The following TACC2 variants were observed in gnomAD, a reference collection of about 807,000 sequenced individuals.
TACC2 encodes the protein transforming acidic coiled-coil containing protein 2.
Under a neutral mutation model 227.3 loss-of-function variants are expected in TACC2, and 137 were observed. That is an observed-to-expected ratio of 0.60 (90% CI 0.52 to 0.69). The LOEUF is 0.69. TACC2 is among the 30% of genes least tolerant of loss of function. The pLI, the probability that TACC2 is intolerant of heterozygous loss-of-function variation, is 0.00. For synonymous variants in TACC2, 1,523 were observed against 1,487.5 expected (o/e 1.02, Z -0.55); for missense variants, 3,470 against 3,694.4 (o/e 0.94, Z 1.57).
intron 7 of TACC2, among the ~76,000 whole-genome samples, chr10:122,186,041 G>T (rs923119614): frequency 6.6e-6 from 1 of 151,976 alleles, no homozygotes. Context: ...CTATTCTCCC[G>T]CCTCAGCCTC....
chr10:122,043,495 CTTTCT>C (rs1359345093), intron 2 of TACC2, among the ~76,000 whole-genome samples: 16 of 149,188 alleles, frequency 1.1e-4, no homozygotes, highest in African/African-American at 3.2e-4. Flanking sequence ...CTTTTTCTTT[CTTTCT>C]TTTTCTCTTT....
intron 3 of TACC2, among the ~76,000 whole-genome samples, chr10:122,068,324 T>A (rs2077611316): frequency 6.6e-6 from 1 of 152,218 alleles, no homozygotes; most frequent in Non-Finnish European, 1.5e-5. Context: ...AGACAAATTA[T>A]GTTATTTTTT....
At chr10:122,154,236 T>A (rs2092310204) in intron 7 of TACC2, among the ~76,000 whole-genome samples, 1 of 152,232 alleles carries the variant, frequency 6.6e-6, no homozygotes, top group South Asian at 2.1e-4. Context: ...CCAGGCTCCC[T>A]CTTGGAGCCA....
chr10:122,184,634 T>C (rs1342109250), intron 7 of TACC2, among the ~76,000 whole-genome samples: 1 of 152,186 alleles, frequency 6.6e-6, no homozygotes, highest in Non-Finnish European at 1.5e-5. Flanking sequence ...TTAAATATCT[T>C]TTTCTGACTT....
chr10:122,099,761 T>C lies in TACC2; in HGVS notation c.5573+11170T>C, dbSNP rs559485064. On this transcript the variant is annotated intron_variant, in intron 5 of 22. Transcript: ENST00000369005. ...GTTTCTTTACAAGTGGGCTATAAAT[T>C]TGTGGGAGATAAAACGACTTAATGA... Among the ~76,000 whole-genome samples, 3 of 152,312 alleles carry C rather than the reference T, an allele frequency of 2.0e-5. No homozygotes were observed. The East Asian group carries it at 5.8e-4, about 29-fold the overall frequency.
chr10:122,129,544 G>T (rs2087625953), intron 5 of TACC2, among the ~76,000 whole-genome samples: 1 of 152,164 alleles, frequency 6.6e-6, no homozygotes, highest in African/African-American at 2.4e-5. Context: ...GAAGAACCAT[G>T]GCTGTGTCAA....
At chr10:122,136,948 C>T (rs1177688202) in intron 6 of TACC2, among the ~76,000 whole-genome samples, 1 of 152,170 alleles carries the variant, frequency 6.6e-6, no homozygotes, top group East Asian at 1.9e-4. Context: ...GCAAGCCTCA[C>T]TCCTCCTTCC....
Position 122,143,688 on chromosome 10 carries a change from C to G in TACC2, c.5816C>G (p.Pro1939Arg), listed in dbSNP as rs140845862. The change falls in exon 7 of 23, where the codon CCG becomes CGG. Residue 1939 changes from proline (P) to arginine (R), a missense_variant. Physicochemically the swap from Pro to Arg is moderately radical, Grantham distance 103 (BLOSUM62 -2). Around this residue, in one of 10 missense-constraint regions of TACC2, gnomAD observed 1,924 missense variants for 1,978.3 expected, o/e 0.97. Transcript: ENST00000369005. Reference protein sequence around the residue: ...VEASTPSCPDPAKDLSRSSDS... With the variant: ...VEASTPSCPDRAKDLSRSSDS... ...GCTTCCACTCCCTCCTGCCCAGATCCGGCCAAGGACCTCAGCAGGTATTGC... is the reference window on the plus strand; with the variant it reads ...GCTTCCACTCCCTCCTGCCCAGATCGGGCCAAGGACCTCAGCAGGTATTGC... The G allele has an allele frequency of 1.2e-6, 2 of 1,613,962 alleles. No homozygotes were observed. The highest frequency in any genetic ancestry group is 2.7e-5 in the African/African-American group (2 of 74,916).
intron 4 of TACC2, 63 bp downstream of exon 4, chr10:122,088,022 G>T: frequency 6.9e-7 from 1 of 1,449,964 alleles, no homozygotes; most frequent in Non-Finnish European, 9.1e-7. Context: ...TTCCCAGCCT[G>T]ATTTTTAGAA....
At position 122,136,191 on chromosome 10, in the gene TACC2, C is replaced by A. The variant is rs553732892; in HGVS notation, c.5699+3457C>A. ...TCTAGAGGCAATAATTCAGTGTCTC[C>A]TAATTCAGGGTTCATGGCGACTTGG... On this transcript the variant is annotated intron_variant, in intron 6 of 22. Coordinates refer to ENST00000369005, the MANE Select transcript of TACC2 (RefSeq NM_206862.4). Among the ~76,000 whole-genome samples, 348 of 152,288 alleles carry A rather than the reference C, an allele frequency of 2.3e-3. 2 individuals are homozygous for A. The highest frequency in any genetic ancestry group is 9.3e-3 in the East Asian group (48 of 5,184).
At chr10:122,245,698 G>A (rs574964807) in intron 19 of TACC2, among the ~76,000 whole-genome samples, 4 of 152,204 alleles carry the variant, frequency 2.6e-5, no homozygotes, top group Admixed American at 2.6e-4. Flanking sequence ...CTGATTCCAG[G>A]GGTCACAGAG....
intron 8 of TACC2, among the ~76,000 whole-genome samples, chr10:122,206,940 AC>A (rs1421901722): frequency 8.5e-5 from 13 of 152,204 alleles, no homozygotes; most frequent in Non-Finnish European, 1.5e-4. Context: ...AATGAATCAC[AC>A]AGTTGATTGT....
chr10:122,128,805 G>A (rs1361511445), intron 5 of TACC2, among the ~76,000 whole-genome samples: 1 of 152,138 alleles, frequency 6.6e-6, no homozygotes, highest in African/African-American at 2.4e-5. Flanking sequence ...ACCACCGAAA[G>A]AGAATTACCG....
At chr10:122,079,516 C>T (rs1426167920) in intron 3 of TACC2, among the ~76,000 whole-genome samples, 1 of 152,202 alleles carries the variant, frequency 6.6e-6, no homozygotes, top group Admixed American at 6.5e-5. Context: ...CTTTTGGGTC[C>T]TCAGGCACCA....
rs767192455 is a variant in TACC2 at position 122,084,204 on chromosome 10, A to C, written c.1704A>C (p.Gly568=). 1.2e-6 allele frequency: 2 copies of C among 1,614,104 alleles called. No individual in the cohort carries two copies. Among genetic ancestry groups the C allele is most frequent in the East Asian group, 4.5e-5 (2 of 44,880 alleles). Residue 568 remains glycine (G), a synonymous_variant, in exon 4 of 23, where the codon GGA becomes GGC. Coordinates refer to ENST00000369005, the MANE Select transcript of TACC2 (RefSeq NM_206862.4). The part of the protein sequence containing the change: ...DSTSPAVAKE[G]SRSPGDSPGG... ...CAAGCCCAGCCGTGGCTAAAGAAGGAAGCAGATCACCTGGTGACAGCCCTG... is the reference window on the plus strand; with the variant it reads ...CAAGCCCAGCCGTGGCTAAAGAAGGCAGCAGATCACCTGGTGACAGCCCTG...
intron 5 of TACC2, among the ~76,000 whole-genome samples, chr10:122,108,150 C>G (rs2083105611): frequency 6.6e-6 from 1 of 151,784 alleles, no homozygotes; most frequent in Non-Finnish European, 1.5e-5. Context: ...CTCAGCCTCC[C>G]AAAGTGCTGA....
chr10:122,195,294 T>C, intron 8 of TACC2, 118 bp downstream of exon 8: 5 of 861,450 alleles, frequency 5.8e-6, no homozygotes, highest in Non-Finnish European at 7.0e-6. Flanking sequence ...CCTCTTGGCT[T>C]TGAGTTGTGC....
chr10:122,066,556 C>T (rs887464740), intron 3 of TACC2, among the ~76,000 whole-genome samples: 21 of 152,150 alleles, frequency 1.4e-4, no homozygotes, highest in African/African-American at 4.6e-4. Flanking sequence ...CGTGAGCCAC[C>T]GCGCCCAGCT....
At chr10:122,197,087 C>T (rs910197996) in intron 8 of TACC2, among the ~76,000 whole-genome samples, 5 of 151,960 alleles carry the variant, frequency 3.3e-5, no homozygotes, top group Non-Finnish European at 7.4e-5. Flanking sequence ...ATAGTGAAAC[C>T]CCGTCTCTAC....
Sources: allele counts gnomAD v4.1 joint callset (sites outside exome capture counted in the v4.1 genomes callset), GRCh38; gene constraint gnomAD v4.1.1; regional missense constraint gnomAD v4.1.1; transcripts MANE v1.5; gene names NCBI Gene and HGNC (gene_info 2026-07-23, HGNC 2026-07-21).